Variants in NAA50 observed in about 807,000 individuals in gnomAD.
The protein encoded by NAA50 is N-alpha-acetyltransferase 50.
Under a neutral mutation model 20.7 loss-of-function variants are expected in NAA50, and 7 were observed. The ratio of observed to expected loss-of-function variants is 0.34; its 90% CI spans 0.19 to 0.63. The LOEUF (loss-of-function observed/expected upper bound fraction) is 0.63, where lower values mean the gene tolerates loss of function less well. Ranked by LOEUF, NAA50 falls within the 30% of genes least tolerant of loss-of-function variation. The pLI, the probability that NAA50 is intolerant of heterozygous loss-of-function variation, is 0.75. For missense variants in NAA50, 111 were observed against 199.1 expected (o/e 0.56, Z 2.66); for synonymous variants, 54 against 70.6 (o/e 0.77, Z 1.18).
At chr3:113,735,867 G>A (rs1708334248) in intron 1 of NAA50, among the ~76,000 whole-genome samples, 1 of 152,216 alleles carries the variant, frequency 6.6e-6, no homozygotes. Context: ...ATTTTTAGTA[G>A]AGACAGGGTT....
intron 3 of NAA50, 51 bp downstream of exon 3, chr3:113,723,371 A>C (rs755871474): frequency 1.4e-5 from 21 of 1,537,158 alleles, no homozygotes; most frequent in Non-Finnish European, 1.7e-5. Context: ...CACATTAACA[A>C]ATAATATGTT....
intron 1 of NAA50, among the ~76,000 whole-genome samples, chr3:113,734,535 T>C (rs1018206240): frequency 7.9e-5 from 12 of 152,022 alleles, no homozygotes; most frequent in Non-Finnish European, 1.5e-4. Context: ...CAAACTGCAG[T>C]ACTTTCCAGG....
chr3:113,735,831 C>T (rs908436823), intron 1 of NAA50, among the ~76,000 whole-genome samples: 2 of 152,140 alleles, frequency 1.3e-5, no homozygotes, highest in Non-Finnish European at 2.9e-5. Context: ...CTACGGTGCC[C>T]GCCACCATGC....
At chr3:113,730,729 T>C (rs1004954514) in intron 1 of NAA50, among the ~76,000 whole-genome samples, 11 of 152,252 alleles carry the variant, frequency 7.2e-5, no homozygotes, top group Non-Finnish European at 1.6e-4. Context: ...TTTAGCATAA[T>C]GTCTGAGACT....
intron 3 of NAA50, 105 bp downstream of exon 3, chr3:113,723,317 C>T: frequency 9.3e-7 from 1 of 1,077,282 alleles, no homozygotes; most frequent in African/African-American, 1.6e-5. Flanking sequence ...GTAACCCTTT[C>T]TCAGTATTCC....
intron 1 of NAA50, among the ~76,000 whole-genome samples, chr3:113,729,270 G>A (rs747612523): frequency 3.3e-5 from 5 of 152,084 alleles, no homozygotes; most frequent in Admixed American, 6.5e-5. Flanking sequence ...GATTATAGGC[G>A]TGAGCCACTG....
intron 1 of NAA50, 52 bp downstream of exon 1, chr3:113,745,889 GC>G: frequency 6.3e-7 from 1 of 1,593,924 alleles, no homozygotes. Context: ...CTCTACATGG[GC>G]CCGGACCCTT....
chr3:113,728,429 A>G (rs28577577), intron 1 of NAA50, among the ~76,000 whole-genome samples: 50,221 of 151,796 alleles, frequency 0.33, 8,412 homozygotes, highest in East Asian at 0.36. Flanking sequence ...ATGTACATAT[A>G]GTACAAAAAT....
chr3:113,745,139 T>C (rs915232063), intron 1 of NAA50, among the ~76,000 whole-genome samples: 1 of 152,166 alleles, frequency 6.6e-6, no homozygotes, highest in Non-Finnish European at 1.5e-5. Flanking sequence ...TAAGGAGACA[T>C]TTCATAAAAA....
intron 2 of NAA50, 79 bp from the exon 3 acceptor site, chr3:113,723,620 ACTGTT>A: frequency 7.2e-7 from 1 of 1,391,958 alleles, no homozygotes. Context: ...AAAGGACTAC[ACTGTT>A]CCTATCAACA....
At chr3:113,736,895 AT>A (rs1708350685) in intron 1 of NAA50, among the ~76,000 whole-genome samples, 1 of 152,212 alleles carries the variant, frequency 6.6e-6, no homozygotes, top group Non-Finnish European at 1.5e-5. Flanking sequence ...AAGCCTGTTT[AT>A]ACTTTTAGTG....
intron 1 of NAA50, among the ~76,000 whole-genome samples, chr3:113,733,463 A>G (rs1341413346): frequency 1.3e-5 from 2 of 152,174 alleles, no homozygotes; most frequent in African/African-American, 4.8e-5. Context: ...GACATTTACA[A>G]GACAGAAAAT....
Position 113,738,022 on chromosome 3 carries a change from T to C in NAA50, c.8+7920A>G, listed in dbSNP as rs1426622082. Among the ~76,000 whole-genome samples the C allele has an allele frequency of 6.6e-5, 10 of 152,176 alleles. No homozygotes were observed. In the East Asian group the frequency reaches 1.4e-3, roughly 21 times the overall value. On this transcript the variant is annotated intron_variant, in intron 1 of 4. Coordinates refer to ENST00000240922, the MANE Select transcript of NAA50 (RefSeq NM_025146.4). ...GAGTTCGAGACCAGCCTGGGCAACA[T>C]GGCAAAACCCTGACTCTATTTCTTT...
intron 4 of NAA50, among the ~76,000 whole-genome samples, chr3:113,722,606 A>G (rs1305682121): frequency 6.6e-6 from 1 of 152,168 alleles, no homozygotes; most frequent in Non-Finnish European, 1.5e-5. Context: ...TTGCATGAGA[A>G]AAGTAGTATT....
chr3:113,745,018 C>T (rs1032943324), intron 1 of NAA50, among the ~76,000 whole-genome samples: 2 of 152,176 alleles, frequency 1.3e-5, no homozygotes, highest in African/African-American at 4.8e-5. Context: ...AGCTTTTTAA[C>T]GTTTATGAGC....
At chr3:113,738,817 G>A (rs1405308163) in intron 1 of NAA50, among the ~76,000 whole-genome samples, 1 of 152,142 alleles carries the variant, frequency 6.6e-6, no homozygotes, top group Non-Finnish European at 1.5e-5. Flanking sequence ...TCTGGAAAAA[G>A]AAGTGTTTGA....
intron 1 of NAA50, chr3:113,740,881 T>G: frequency 2.9e-6 from 1 of 349,206 alleles, no homozygotes; most frequent in Non-Finnish European, 5.7e-6. Flanking sequence ...ATAGGCAATA[T>G]CATCTAGACT....
chr3:113,723,013 C>T (rs749909434), intron 3 of NAA50, 41 bp from the exon 4 acceptor site: 1 of 1,484,186 alleles, frequency 6.7e-7, no homozygotes, highest in Non-Finnish European at 9.0e-7. Flanking sequence ...CTTCATAAAT[C>T]AACCTTTAAA....
chr3:113,728,337 T>A (rs1442542289), intron 1 of NAA50, among the ~76,000 whole-genome samples: 1 of 152,216 alleles, frequency 6.6e-6, no homozygotes, highest in African/African-American at 2.4e-5. Flanking sequence ...TATTTGAGTA[T>A]CTATGTGTTA....
Sources: gnomAD v4.1 joint callset for allele counts (sites outside exome capture counted in the v4.1 genomes callset) on GRCh38, gnomAD v4.1.1 for gene constraint, MANE v1.5 for transcripts, NCBI Gene and HGNC (gene_info 2026-07-23, HGNC 2026-07-21) for gene names.